NSRP1: variants seen among roughly 807,000 people sequenced by gnomAD.
NSRP1 encodes the protein nuclear speckle splicing regulatory protein 1, also known as coiled-coil domain containing 55.
A neutral mutation model predicts 54.7 loss-of-function variants in NSRP1; 24 were observed. The ratio of observed to expected loss-of-function variants is 0.44; its 90% CI spans 0.32 to 0.62. The LOEUF (loss-of-function observed/expected upper bound fraction) is 0.62, where lower values mean the gene tolerates loss of function less well. NSRP1 is among the 20% of genes least tolerant of loss of function. The probability of loss-of-function intolerance (pLI) is 0.06; values close to 1 mark genes in which losing one functional copy is unlikely to be tolerated. For missense variants in NSRP1, 596 were observed against 651.2 expected, an observed-to-expected ratio of 0.92 and a Z score of 0.92; for synonymous variants, 210 against 213.8, an observed-to-expected ratio of 0.98 and a Z score of 0.15.
chr17:30,153,902 T>C (rs1055874567), intron 2 of NSRP1, among the ~76,000 whole-genome samples: 5 of 152,346 alleles, frequency 3.3e-5, no homozygotes, highest in African/African-American at 1.2e-4. Flanking sequence ...GTGTGACTGG[T>C]GGCTAACATA....
intron 2 of NSRP1, among the ~76,000 whole-genome samples, chr17:30,149,099 G>T (rs1249563487): frequency 6.6e-6 from 1 of 152,064 alleles, no homozygotes; most frequent in South Asian, 2.1e-4. Flanking sequence ...TAAATATTTT[G>T]TAATTTCCTT....
intron 2 of NSRP1, 36 bp from the exon 3 acceptor site, chr17:30,172,506 T>A (rs200181779): frequency 7.1e-6 from 11 of 1,550,878 alleles, no homozygotes; most frequent in Non-Finnish European, 9.7e-6. Flanking sequence ...AATTTTAAAT[T>A]TGTTTAAAAA....
intron 2 of NSRP1, among the ~76,000 whole-genome samples, chr17:30,124,034 G>A (rs1293111017): frequency 1.3e-5 from 2 of 152,006 alleles, no homozygotes; most frequent in South Asian, 2.1e-4. Flanking sequence ...ATGCACTTTC[G>A]GAGGCTGAGG....
chr17:30,158,595 G>A (rs952858789), intron 2 of NSRP1, among the ~76,000 whole-genome samples: 3 of 151,796 alleles, frequency 2.0e-5, no homozygotes, highest in African/African-American at 7.3e-5. Context: ...TTATAGTTTG[G>A]GGCCTTATCT....
At chr17:30,148,340 A>G (rs2071876058) in intron 2 of NSRP1, among the ~76,000 whole-genome samples, 1 of 152,226 alleles carries the variant, frequency 6.6e-6, no homozygotes, top group African/African-American at 2.4e-5. Context: ...AGGGTTTTCA[A>G]ACATCTATGT....
chr17:30,180,196 G>A (rs1463107697), intron 5 of NSRP1, among the ~76,000 whole-genome samples: 1 of 147,996 alleles, frequency 6.8e-6, no homozygotes, highest in Non-Finnish European at 1.5e-5. Flanking sequence ...TCGCTGTGTC[G>A]CCCAGGCTGG....
chr17:30,177,798 T>C, intron 3 of NSRP1: 2 of 437,620 alleles, frequency 4.6e-6, no homozygotes, highest in South Asian at 4.8e-5. Context: ...CAGCTTAGAA[T>C]GTAAATATAG....
intron 2 of NSRP1, among the ~76,000 whole-genome samples, chr17:30,160,787 A>G (rs1248407498): frequency 6.6e-6 from 1 of 152,212 alleles, no homozygotes; most frequent in Non-Finnish European, 1.5e-5. Flanking sequence ...ACTGGTAGTA[A>G]GTAGAAGGCT....
At chr17:30,122,354 T>TTC (rs2071606959) in intron 2 of NSRP1, 1 of 9,740 alleles carries the variant, frequency 1.0e-4, no homozygotes, top group South Asian at 3.4e-3. Context: ...TCTGGTTTCA[T>TTC]ATATATATAT....
intron 2 of NSRP1, among the ~76,000 whole-genome samples, chr17:30,136,090 G>GTA (rs1283264839): frequency 3.3e-5 from 5 of 152,028 alleles, no homozygotes; most frequent in Non-Finnish European, 5.9e-5. Flanking sequence ...GTGCACATCT[G>GTA]TAGTCCCAGC....
intron 2 of NSRP1, among the ~76,000 whole-genome samples, chr17:30,161,263 G>A (rs1904505266): frequency 1.3e-5 from 2 of 152,004 alleles, no homozygotes; most frequent in African/African-American, 4.8e-5. Flanking sequence ...GGAATGGCTG[G>A]GTCGCTTAGG....
chr17:30,157,644 C>T (rs574425470), intron 2 of NSRP1, among the ~76,000 whole-genome samples: 1 of 152,118 alleles, frequency 6.6e-6, no homozygotes, highest in Admixed American at 6.6e-5. Flanking sequence ...GTCTTTGTCT[C>T]TCTCCCCTCT....
At chr17:30,160,279 TA>T (rs1191758997) in intron 2 of NSRP1, among the ~76,000 whole-genome samples, 1 of 152,158 alleles carries the variant, frequency 6.6e-6, no homozygotes, top group Non-Finnish European at 1.5e-5. Flanking sequence ...TTTTGTTTTT[TA>T]ATGTTGTGCC....
Position 30,185,697 on chromosome 17 carries a change from T to C in NSRP1, c.*23T>C. The C allele has an allele frequency of 6.6e-7, 1 of 1,510,780 alleles. No homozygotes were observed. The highest frequency in any genetic ancestry group is 8.8e-7 in the Non-Finnish European group (1 of 1,134,780). 93.6% of individuals were successfully genotyped at this position (1,510,780 alleles called of 1,614,324 possible). A position where few individuals can be genotyped will look rare whatever the true frequency, so the allele number is the denominator to read the frequency against. ...TGATGGCTACCCCAAGAGAAAGATT[T>C]AAGGAAGCACAGAAAACTGTAATTC... On this transcript the variant is annotated 3_prime_UTR_variant, in exon 7 of 7. Coordinates refer to ENST00000247026, the MANE Select transcript of NSRP1 (RefSeq NM_032141.4).
intron 2 of NSRP1, among the ~76,000 whole-genome samples, chr17:30,171,972 A>ACACTCTCTCTCTCTCTCTCT (rs1169988659): frequency 4.3e-5 from 2 of 46,582 alleles, no homozygotes; most frequent in African/African-American, 1.2e-4. Flanking sequence ...ACACACACAC[A>ACACTCTCTCTCTCTCTCTCT]CTCCCTCTCT....
intron 2 of NSRP1, among the ~76,000 whole-genome samples, chr17:30,129,740 CCTTA>C (rs1410970968): frequency 6.6e-6 from 1 of 151,824 alleles, no homozygotes; most frequent in African/African-American, 2.4e-5. Context: ...TCAGATAATG[CCTTA>C]CTTCTGTAGA....
intron 2 of NSRP1, among the ~76,000 whole-genome samples, chr17:30,153,293 C>A (rs927282634): frequency 2.0e-5 from 3 of 152,002 alleles, no homozygotes; most frequent in South Asian, 4.2e-4. Flanking sequence ...TTTAAAAATC[C>A]AATCCCAGAG....
intron 3 of NSRP1, among the ~76,000 whole-genome samples, chr17:30,173,229 G>T (rs527581007): frequency 2.5e-4 from 38 of 152,348 alleles, no homozygotes; most frequent in African/African-American, 9.1e-4. Context: ...CTCCTGAAGT[G>T]CTGGGATTAC....
chr17:30,174,075 CTTAG>C (rs1905046411), intron 3 of NSRP1, among the ~76,000 whole-genome samples: 1 of 152,152 alleles, frequency 6.6e-6, no homozygotes, highest in South Asian at 2.1e-4. Context: ...AAATGGGAGA[CTTAG>C]TTCTGGAGAG....
Sources: gnomAD v4.1 joint callset for allele counts (sites outside exome capture counted in the v4.1 genomes callset) on GRCh38, gnomAD v4.1.1 for gene constraint, MANE v1.5 for transcripts, NCBI Gene and HGNC (gene_info 2026-07-23, HGNC 2026-07-21) for gene names.